ARPP21: variants seen among roughly 807,000 people sequenced by gnomAD.
ARPP21 encodes cAMP regulated phosphoprotein 21.
Under a neutral mutation model 113.2 loss-of-function variants are expected in ARPP21, and 69 were observed. The observed-to-expected ratio is 0.61, with a 90% CI of 0.50 to 0.74. The LOEUF (loss-of-function observed/expected upper bound fraction) is 0.74, where lower values mean the gene tolerates loss of function less well. ARPP21 is among the 30% of genes least tolerant of loss of function. ARPP21 has a pLI of 0.00. For synonymous variants in ARPP21, 368 were observed against 375.5 expected, an observed-to-expected ratio of 0.98 and a Z score of 0.23; for missense variants, 1,070 against 1,037.4, an observed-to-expected ratio of 1.03 and a Z score of -0.43.
At chr3:35,639,198 C>CT (rs1338904184), upstream of ARPP21, among the ~76,000 whole-genome samples, 1 of 152,078 alleles carries the variant, frequency 6.6e-6, no homozygotes, top group Non-Finnish European at 1.5e-5. The surrounding 1 kb of genome is among the most constrained non-coding windows in gnomAD (Gnocchi z 5.0). Flanking sequence ...AGCCTTAGGG[C>CT]TGGCGGAGAA....
chr3:35,773,542 A>T (rs2096268297), intron 19 of ARPP21, among the ~76,000 whole-genome samples: 1 of 152,182 alleles, frequency 6.6e-6, no homozygotes, highest in South Asian at 2.1e-4. Flanking sequence ...ATCCCCTGAG[A>T]CATCATTAGA....
At chr3:35,728,180 T>C (rs2093674584) in intron 14 of ARPP21, among the ~76,000 whole-genome samples, 1 of 145,488 alleles carries the variant, frequency 6.9e-6, no homozygotes, top group South Asian at 2.1e-4. Context: ...ATAATAATAA[T>C]AATAATAATG....
At chr3:35,766,746 T>C (rs142782284) in intron 19 of ARPP21, among the ~76,000 whole-genome samples, 4 of 152,304 alleles carry the variant, frequency 2.6e-5, no homozygotes, top group Middle Eastern at 3.4e-3. Context: ...ATAGATGCAA[T>C]GCTTTCCAAG....
rs759366784 is a variant in ARPP21, at chr3:35,793,664, C to T, written c.2287-37C>T. 9.1e-6 allele frequency: 14 copies of T among 1,536,990 alleles called. No individual in the cohort carries two copies. The Admixed American group carries it at 2.2e-4, about 24-fold the overall frequency. ...TGTTTATTGTACAGACCAAAATAGT[C>T]TCTTCATACAGGGTTCTTGCTTGTG... On this transcript the variant is annotated intron_variant, in intron 20 of 20. Coordinates refer to ENST00000684406, the MANE Select transcript of ARPP21 (RefSeq NM_001385562.1).
chr3:35,689,447 T>A, intron 7 of ARPP21, 62 bp downstream of exon 7: 2 of 861,034 alleles, frequency 2.3e-6, no homozygotes, highest in Non-Finnish European at 3.9e-6. Context: ...CAATCAAAGT[T>A]ATTAATCCAA....
chr3:35,685,592 T>C, intron 5 of ARPP21: 1 of 985,342 alleles, frequency 1.0e-6, no homozygotes, highest in Non-Finnish European at 1.2e-6. Flanking sequence ...CCAATGTTTG[T>C]AAATTCACAG....
At chr3:35,685,184 A>C (rs1038337658) in intron 5 of ARPP21, 2 of 985,264 alleles carry the variant, frequency 2.0e-6, no homozygotes, top group African/African-American at 3.5e-5. Context: ...ACAAGGTACC[A>C]GGAGGAAATT....
At position 35,729,466 on chromosome 3, in the gene ARPP21, C is replaced by T. The variant is rs1337060823; in HGVS notation, c.1389C>T (p.Ser463=). Residue 463 remains serine, a synonymous_variant, in exon 15 of 21, where the codon AGC becomes AGT. Transcript: ENST00000684406. ...GCCAGGTTGCTCCCAGCAGCACCAGCTACATCCTCCTTCCACTTGAAGCTG... is the reference window on the plus strand; with the variant it reads ...GCCAGGTTGCTCCCAGCAGCACCAGTTACATCCTCCTTCCACTTGAAGCTG... ...IGGQVAPSST[S]YILLPLEAAT... 1.9e-6 allele frequency: 3 copies of T among 1,614,098 alleles called. No individual in the cohort carries two copies. The highest frequency in any genetic ancestry group is 1.3e-5 in the African/African-American group (1 of 74,914).
At chr3:35,783,734 T>C (rs116007536) in intron 19 of ARPP21, among the ~76,000 whole-genome samples, 162 of 152,332 alleles carry the variant, frequency 1.1e-3, no homozygotes, top group African/African-American at 3.6e-3. Flanking sequence ...TCCAGTTTTA[T>C]AGCACGCTTT....
At chr3:35,781,929 A>G (rs960843753) in intron 19 of ARPP21, among the ~76,000 whole-genome samples, 1 of 152,204 alleles carries the variant, frequency 6.6e-6, no homozygotes, top group Admixed American at 6.5e-5. Context: ...GTTGTTTTCA[A>G]TGAGCTATAC....
chr3:35,790,349 T>A (rs2096723490), intron 19 of ARPP21, among the ~76,000 whole-genome samples: 1 of 152,196 alleles, frequency 6.6e-6, no homozygotes, highest in South Asian at 2.1e-4. Flanking sequence ...CCCAAGTTAT[T>A]TTCTTATGTA....
At chr3:35,689,792 GT>G (rs1291011492) in intron 7 of ARPP21, among the ~76,000 whole-genome samples, 1 of 151,380 alleles carries the variant, frequency 6.6e-6, no homozygotes, top group East Asian at 1.9e-4. Context: ...TATTTGATGG[GT>G]TTTTTGATCC....
chr3:35,665,675 A>G (rs2074175806), intron 1 of ARPP21, among the ~76,000 whole-genome samples: 1 of 152,182 alleles, frequency 6.6e-6, no homozygotes, highest in Non-Finnish European at 1.5e-5. Flanking sequence ...TAAATATTGC[A>G]TTTGTTCATG....
At chr3:35,656,586 C>T (rs1705043333) in intron 1 of ARPP21, among the ~76,000 whole-genome samples, 2 of 152,048 alleles carry the variant, frequency 1.3e-5, no homozygotes, top group South Asian at 4.2e-4. Flanking sequence ...TGTATGATCC[C>T]ATTTATATCA....
At chr3:35,653,212 G>T (rs1575449509) in intron 1 of ARPP21, among the ~76,000 whole-genome samples, 1 of 152,014 alleles carries the variant, frequency 6.6e-6, no homozygotes, top group Non-Finnish European at 1.5e-5. Flanking sequence ...TTTGGCTGTA[G>T]TCATAGCAGT....
At chr3:35,663,592 C>T (rs1266369643) in intron 1 of ARPP21, among the ~76,000 whole-genome samples, 1 of 152,104 alleles carries the variant, frequency 6.6e-6, no homozygotes, top group East Asian at 1.9e-4. Context: ...CCGTGTTGAT[C>T]GGAGACAGAT....
At chr3:35,772,683 C>T (rs1435786139) in intron 19 of ARPP21, among the ~76,000 whole-genome samples, 2 of 152,206 alleles carry the variant, frequency 1.3e-5, no homozygotes, top group African/African-American at 4.8e-5. Flanking sequence ...AGTGAACTTA[C>T]TCTACAAGAT....
chr3:35,687,613 C>A, intron 5 of ARPP21, 126 bp from the exon 6 acceptor site: 1 of 772,682 alleles, frequency 1.3e-6, no homozygotes. Flanking sequence ...TTAATTTTTA[C>A]CATTTAGAAA....
At chr3:35,754,139 G>A (rs2095497020) in intron 19 of ARPP21, among the ~76,000 whole-genome samples, 1 of 151,810 alleles carries the variant, frequency 6.6e-6, no homozygotes, top group South Asian at 2.1e-4. Context: ...TTTATAAACA[G>A]TAGGATTTTT....
Sources: gnomAD v4.1 joint callset for allele counts (sites outside exome capture counted in the v4.1 genomes callset) on GRCh38, gnomAD v4.1.1 for gene constraint, Gnocchi (gnomAD v3.1) non-coding constraint, MANE v1.5 for transcripts, NCBI Gene and HGNC (gene_info 2026-07-23, HGNC 2026-07-21) for gene names.